Variants in PRDM12 observed in about 807,000 individuals in gnomAD.
PRDM12 encodes PR domain zinc finger protein 12.
A neutral mutation model predicts 29.6 loss-of-function variants in PRDM12; 17 were observed. The ratio of observed to expected loss-of-function variants is 0.57; its 90% CI spans 0.39 to 0.86. The LOEUF is 0.86. Ranked by LOEUF, PRDM12 falls within the 40% of genes least tolerant of loss-of-function variation. The probability of loss-of-function intolerance (pLI) is 0.00; values close to 1 mark genes in which losing one functional copy is unlikely to be tolerated. For missense variants in PRDM12, 422 were observed against 510.8 expected, an observed-to-expected ratio of 0.83 and a Z score of 1.68; for synonymous variants, 231 against 225.8, an observed-to-expected ratio of 1.02 and a Z score of -0.21.
chr9:130,671,341 T>TCAACAA (rs111668015), intron 3 of PRDM12, among the ~76,000 whole-genome samples: 9,605 of 148,140 alleles, frequency 0.065, 358 homozygotes, highest in South Asian at 0.093. Context: ...AGACTCCGTC[T>TCAACAA]CAACAACAAC....
At chr9:130,678,075 G>A (rs894241) in intron 3 of PRDM12, among the ~76,000 whole-genome samples, 18,490 of 151,972 alleles carry the variant, frequency 0.12, 1,511 homozygotes, top group African/African-American at 0.23. Context: ...AGATGTTTCC[G>A]GAACATTATC....
chr9:130,680,434 A>C (rs530216663), intron 4 of PRDM12, among the ~76,000 whole-genome samples: 1 of 150,678 alleles, frequency 6.6e-6, no homozygotes, highest in Non-Finnish European at 1.5e-5. Context: ...AGAGATCGAG[A>C]CCATCCTGGC....
intron 3 of PRDM12, among the ~76,000 whole-genome samples, chr9:130,676,272 C>G (rs1034892528): frequency 6.6e-6 from 1 of 152,060 alleles, no homozygotes; most frequent in Non-Finnish European, 1.5e-5. Flanking sequence ...GGGCGGATCA[C>G]GAGATCAGGA....
rs1830737859 is a variant in PRDM12, at chr9:130,666,816, C to A, written c.414+18C>A. On this transcript the variant is annotated intron_variant, in intron 2 of 4. Transcript: ENST00000253008. ...TGTGGGAGGTACGCGCGGGCTGGGGCAGAGGGGCGCAAGGGCCGGCGAGGG... is the reference window on the plus strand; with the variant it reads ...TGTGGGAGGTACGCGCGGGCTGGGGAAGAGGGGCGCAAGGGCCGGCGAGGG... 3.8e-6 allele frequency: 6 copies of A among 1,574,304 alleles called. No homozygotes were observed. The highest frequency in any genetic ancestry group is 5.2e-6 in the Non-Finnish European group (6 of 1,156,066).
Position 130,678,019 on chromosome 9 carries a change from C to CA in PRDM12, c.571-510_571-509insA, listed in dbSNP as rs1554752815. 2.7e-3 allele frequency among the ~76,000 whole-genome samples: 406 copies of CA among 151,910 alleles called. 1 individual carries two copies. Among genetic ancestry groups the CA allele is most frequent in the Non-Finnish European group, 4.1e-3 (282 of 67,968 alleles). On this transcript the variant is annotated intron_variant, in intron 3 of 4. Coordinates refer to ENST00000253008, the MANE Select transcript of PRDM12 (RefSeq NM_021619.3). ...AGACACTCAGAGCCCTGTGCTTGGT[C>CA]GGGAAGTACCTGTGATGTGGGATGC...
chr9:130,667,596 C>G (rs993286393), intron 2 of PRDM12, among the ~76,000 whole-genome samples: 1 of 152,164 alleles, frequency 6.6e-6, no homozygotes, highest in Non-Finnish European at 1.5e-5. Context: ...AGAGGCCTCT[C>G]TTGACCTCAT....
At chr9:130,680,634 A>ATATATATAT (rs1554753095) in intron 4 of PRDM12, among the ~76,000 whole-genome samples, 54 of 88,404 alleles carry the variant, frequency 6.1e-4, no homozygotes, top group Non-Finnish European at 8.3e-4. Flanking sequence ...AAAAAAAAAA[A>ATATATATAT]ATATATATAT....
At chr9:130,670,515 G>A (rs7855968) in intron 3 of PRDM12, among the ~76,000 whole-genome samples, 10,011 of 152,200 alleles carry the variant, frequency 0.066, 376 homozygotes, top group South Asian at 0.1. Flanking sequence ...TAAGACGGCC[G>A]TGGGGCAGGG....
intron 3 of PRDM12, among the ~76,000 whole-genome samples, chr9:130,676,042 G>A (rs1830839249): frequency 6.6e-6 from 1 of 152,060 alleles, no homozygotes; most frequent in Admixed American, 6.5e-5. Flanking sequence ...GGTGACAGAG[G>A]GCTCATCTGC....
intron 3 of PRDM12, among the ~76,000 whole-genome samples, chr9:130,670,598 T>G (rs1230917669): frequency 2.0e-5 from 3 of 152,058 alleles, no homozygotes; most frequent in Admixed American, 6.5e-5. Context: ...GGCCACCACA[T>G]CCTAAAATTG....
intron 2 of PRDM12, among the ~76,000 whole-genome samples, chr9:130,667,098 G>A (rs921228002): frequency 1.8e-4 from 27 of 152,354 alleles, no homozygotes; most frequent in African/African-American, 6.0e-4. Context: ...CAGTCAGGTC[G>A]CTTGCCCAGG....
chr9:130,673,913 C>T (rs1229034114), intron 3 of PRDM12, among the ~76,000 whole-genome samples: 2 of 151,568 alleles, frequency 1.3e-5, no homozygotes, highest in African/African-American at 2.4e-5. Flanking sequence ...TCAGGTGATT[C>T]GCCCACCTTG....
intron 3 of PRDM12, among the ~76,000 whole-genome samples, chr9:130,677,318 C>A (rs920462635): frequency 6.6e-6 from 1 of 152,192 alleles, no homozygotes; most frequent in African/African-American, 2.4e-5. Flanking sequence ...ACGTAGTGAA[C>A]GCCAGAGTTC....
Position 130,682,584 on chromosome 9 carries a change from G to A in PRDM12, c.*915G>A, listed in dbSNP as rs1830916663. ...GCAAGACTGGAACCGCTGCCCGAGA[G>A]GTTAAGGTGGCTTCTGTGGCCACGA... is the stretch of plus-strand genomic sequence containing the variant. On this transcript the variant is annotated 3_prime_UTR_variant, in exon 5 of 5. Coordinates refer to ENST00000253008, the MANE Select transcript of PRDM12 (RefSeq NM_021619.3). This position sits in a 1 kb window ranked among gnomAD's most constrained non-coding sequence, Gnocchi z 4.2. 1.3e-5 allele frequency: 2 copies of A among 152,224 alleles called. No individual in the cohort carries two copies. Among genetic ancestry groups the A allele is most frequent in the Admixed American group, 1.3e-4 (2 of 15,278 alleles). The allele number at this position is 152,224 out of a possible 1,614,324, so 9.4% of individuals were successfully genotyped here.
rs1564249258 is a variant in PRDM12, at chr9:130,680,633, A to AT, written c.683-615_683-614insT. Among the ~76,000 whole-genome samples, 323 of 86,348 alleles carry AT rather than the reference A, an allele frequency of 3.7e-3. 3 individuals carry two copies. Among genetic ancestry groups the AT allele is most frequent in the South Asian group, 7.1e-3 (19 of 2,694 alleles). 56.6% of individuals were successfully genotyped at this position (86,348 alleles called of 152,430 possible). On this transcript the variant is annotated intron_variant, in intron 4 of 4. Coordinates refer to ENST00000253008, the MANE Select transcript of PRDM12 (RefSeq NM_021619.3). The stretch of plus-strand genomic sequence containing the variant: ...GAGGGAGACTCCGTCTAAAAAAAAA[A>AT]AATATATATATATATATATATATAT...
Position 130,664,804 on chromosome 9 carries a change from G to C in PRDM12, c.151G>C (p.Glu51Gln), listed in dbSNP as rs1422427471. The change falls in exon 1 of 5, where the codon GAG becomes CAG. Residue 51 changes from glutamate to glutamine, a missense_variant. Physicochemically the swap from Glu to Gln is conservative, Grantham distance 29. This residue lies in a region of PRDM12 where 300 missense variants were observed against 350.0 expected (regional missense o/e 0.86). Coordinates refer to ENST00000253008, the MANE Select transcript of PRDM12 (RefSeq NM_021619.3). The surrounding 1 kb of genome is among the most constrained non-coding windows in gnomAD (Gnocchi z 6.4). ...CAACGTGCTCGGGGAGCAGCTCTTC[G>C]AGGACAAGAGCCACCACGCCAGCCC... ...WRNVLGEQLF[E>Q]DKSHHASPKT... is the part of the protein sequence containing the mutation. 6.3e-7 allele frequency: 1 copy of C among 1,578,688 alleles called. No individual in the cohort carries two copies. The highest frequency in any genetic ancestry group is 1.1e-5 in the South Asian group (1 of 87,182).
chr9:130,681,935 T>C lies in PRDM12; in HGVS notation c.*266T>C, dbSNP rs1373157008. ...TCCTCTGGGAGGGGGTCCCCCTGCC[T>C]GGCCTCGCCCCCGAGTCTCCCTGCT... is the stretch of plus-strand genomic sequence containing the variant. On this transcript the variant is annotated 3_prime_UTR_variant, in exon 5 of 5. Transcript: ENST00000253008. This position sits in a 1 kb window ranked among gnomAD's most constrained non-coding sequence, Gnocchi z 8.1. 1.1e-5 allele frequency: 2 copies of C among 178,098 alleles called. No individual in the cohort carries two copies. Among genetic ancestry groups the C allele is most frequent in the Non-Finnish European group, 1.1e-5 (1 of 92,038 alleles). 11.0% of individuals were successfully genotyped at this position (178,098 alleles called of 1,614,324 possible).
At chr9:130,680,623 T>TAA (rs753422507) in intron 4 of PRDM12, among the ~76,000 whole-genome samples, 2,762 of 78,620 alleles carry the variant, frequency 0.035, 98 homozygotes, top group African/African-American at 0.075. Context: ...AGACTCCGTC[T>TAA]AAAAAAAAAA....
In PRDM12 at chr9:130,681,557, A is replaced by C. The variant is rs1367080677; in HGVS notation, c.992A>C (p.Gln331Pro). The C allele has an allele frequency of 1.6e-6, 2 of 1,229,032 alleles. No individual in the cohort carries two copies. The highest frequency in any genetic ancestry group is 3.2e-5 in the East Asian group (1 of 31,480). 76.1% of individuals were successfully genotyped at this position (1,229,032 alleles called of 1,614,324 possible). The change falls in exon 5 of 5, where the codon CAG becomes CCG. Residue 331 changes from glutamine (Q) to proline (P), a missense_variant. Gln to Pro is a moderately conservative substitution (Grantham distance 76, BLOSUM62 -1). Coordinates refer to ENST00000253008, the MANE Select transcript of PRDM12 (RefSeq NM_021619.3). The surrounding 1 kb of genome is among the most constrained non-coding windows in gnomAD (Gnocchi z 8.1). ...ARHRPPSTALQAHSPALPAPH... is the reference protein window; with the variant it reads ...ARHRPPSTALPAHSPALPAPH... Reference sequence around the variant, plus strand: ...CACCGGCCGCCCAGCACCGCGCTGCAGGCACACTCGCCCGCGCTGCCCGCC... The same window carrying C: ...CACCGGCCGCCCAGCACCGCGCTGCCGGCACACTCGCCCGCGCTGCCCGCC...
Sources: gnomAD v4.1 joint callset for allele counts (sites outside exome capture counted in the v4.1 genomes callset) on GRCh38, gnomAD v4.1.1 for gene constraint, gnomAD v4.1.1 regional missense constraint, Gnocchi (gnomAD v3.1) non-coding constraint, MANE v1.5 for transcripts, NCBI Gene and HGNC (gene_info 2026-07-23, HGNC 2026-07-21) for gene names.